KLF8: variants seen among roughly 807,000 people sequenced by gnomAD.
KLF8 encodes the protein KLF transcription factor 8.
KLF8 carries 10 observed loss-of-function variants against 18.2 expected under a neutral mutation model. That is an observed-to-expected ratio of 0.55 (90% CI 0.34 to 0.93). The LOEUF (loss-of-function observed/expected upper bound fraction) is 0.93. Among genes scored for constraint, KLF8 ranks in the 40% least tolerant of loss-of-function variants. The pLI, the probability that KLF8 is intolerant of heterozygous loss-of-function variation, is 0.02. For synonymous variants in KLF8, 109 were observed against 97.3 expected, an observed-to-expected ratio of 1.12 and a Z score of -0.71; for missense variants, 264 against 277.9, an observed-to-expected ratio of 0.95 and a Z score of 0.36.
the KLF8 span, among the ~76,000 whole-genome samples, chrX:56,181,762 A>G: frequency 1.9e-5 from 2 of 105,593 alleles, no homozygotes; most frequent in Non-Finnish European, 3.8e-5. Context: ...GTTGAAAATT[A>G]TTTTCTTTAA....
chrX:56,210,441 T>C, the KLF8 span, among the ~76,000 whole-genome samples: 5 of 112,005 alleles, frequency 4.5e-5, no homozygotes, highest in African/African-American at 1.6e-4. Context: ...CGTTTGTTTA[T>C]CTTACCTTGC....
the KLF8 span, among the ~76,000 whole-genome samples, chrX:55,918,227 A>AT: frequency 8.9e-6 from 1 of 111,945 alleles, no homozygotes; most frequent in Non-Finnish European, 1.9e-5. Context: ...TGCCTAGAAC[A>AT]TAGAAGGAAC....
chrX:56,174,997 A>C, the KLF8 span, among the ~76,000 whole-genome samples: 6 of 110,954 alleles, frequency 5.4e-5, no homozygotes, highest in Admixed American at 1.9e-4. Context: ...TTTCTTCTTT[A>C]TTAGTCTTGT....
chrX:56,206,102 A>T, the KLF8 span, among the ~76,000 whole-genome samples: 1 of 111,189 alleles, frequency 9.0e-6, no homozygotes, highest in Non-Finnish European at 1.9e-5. Context: ...TACCATGAGA[A>T]CAGTGTAGGG....
chrX:55,996,607 G>A, the KLF8 span, among the ~76,000 whole-genome samples: 3 of 111,804 alleles, frequency 2.7e-5, no homozygotes, highest in African/African-American at 3.3e-5. Flanking sequence ...GACAGGCTTC[G>A]TTTCTGAATG....
chrX:56,256,448 T>C (rs1602434995), intron 2 of KLF8, among the ~76,000 whole-genome samples: 1 of 111,412 alleles, frequency 9.0e-6, no homozygotes, highest in Non-Finnish European at 1.9e-5. Flanking sequence ...TATTTTTTTT[T>C]CCAAAAGAAT....
chrX:55,986,313 C>T, the KLF8 span, among the ~76,000 whole-genome samples: 4 of 111,962 alleles, frequency 3.6e-5, no homozygotes, highest in South Asian at 1.5e-3. Flanking sequence ...TATGTTCTTT[C>T]AAAACCTACT....
At chrX:56,150,616 T>A in the KLF8 span, among the ~76,000 whole-genome samples, 1 of 110,996 alleles carries the variant, frequency 9.0e-6, no homozygotes, top group African/African-American at 3.3e-5. Context: ...TGTTGGATGC[T>A]CTTGGCCTGT....
At chrX:55,979,668 G>A in the KLF8 span, among the ~76,000 whole-genome samples, 1 of 112,058 alleles carries the variant, frequency 8.9e-6, no homozygotes, top group South Asian at 3.7e-4. Context: ...CTGAAGCTGA[G>A]GTCAGAAAGA....
At position 56,265,476 on chromosome X, in the gene KLF8, A is replaced by T. The variant is rs2066958408; in HGVS notation, c.378A>T (p.Thr126=). The T allele has an allele frequency of 8.3e-7, 1 of 1,210,213 alleles. No individual in the cohort carries two copies. Among genetic ancestry groups the T allele is most frequent in the Non-Finnish European group, 1.1e-6 (1 of 895,249 alleles). ...SPQTLVVSTS[T]SDMSTSANIP... Reference sequence around the variant, plus strand: ...AGACCCTTGTGGTGTCCACGTCAACATCTGACATGAGCACTTCAGCAAACA... The same window carrying T: ...AGACCCTTGTGGTGTCCACGTCAACTTCTGACATGAGCACTTCAGCAAACA... The change falls in exon 3 of 6, where the codon ACA becomes ACT. Residue 126 remains threonine (T), a synonymous_variant. Coordinates refer to ENST00000468660, the MANE Select transcript of KLF8 (RefSeq NM_007250.5).
At chrX:55,913,577 C>G in the KLF8 span, among the ~76,000 whole-genome samples, 2 of 111,345 alleles carry the variant, frequency 1.8e-5, no homozygotes, top group Non-Finnish European at 3.8e-5. Flanking sequence ...AAGGAGAGGC[C>G]TAGAACAGAT....
chrX:56,218,502 C>A, the KLF8 span, among the ~76,000 whole-genome samples: 20 of 112,062 alleles, frequency 1.8e-4, no homozygotes, highest in African/African-American at 6.2e-4. Context: ...TAACTCCTCT[C>A]TTTTATTATA....
upstream of KLF8, among the ~76,000 whole-genome samples, chrX:56,229,570 C>T (rs1049882181): frequency 8.9e-6 from 1 of 112,046 alleles, no homozygotes; most frequent in African/African-American, 3.2e-5. Context: ...ACACCAACCA[C>T]ATGCTGATTA....
the KLF8 span, among the ~76,000 whole-genome samples, chrX:56,177,064 G>A: frequency 5.1e-3 from 560 of 110,753 alleles, 1 homozygote; most frequent in African/African-American, 0.017. Flanking sequence ...TCTTTAGCTC[G>A]GAGTAGTTTG....
the KLF8 span, among the ~76,000 whole-genome samples, chrX:56,054,131 G>GTATT: frequency 1.8e-5 from 2 of 108,487 alleles, no homozygotes; most frequent in African/African-American, 3.4e-5. Flanking sequence ...ATTTATTTAT[G>GTATT]TATTTATTTA....
At chrX:56,134,930 G>T in the KLF8 span, among the ~76,000 whole-genome samples, 5 of 111,482 alleles carry the variant, frequency 4.5e-5, no homozygotes, top group Admixed American at 4.8e-4. Context: ...CATCACTAAT[G>T]ATCAGGGAAG....
chrX:56,046,773 A>G, the KLF8 span, among the ~76,000 whole-genome samples: 1 of 111,358 alleles, frequency 9.0e-6, no homozygotes, highest in Non-Finnish European at 1.9e-5. Flanking sequence ...CATTTTTTAT[A>G]GGTTACCTGA....
chrX:55,980,117 C>T, the KLF8 span, among the ~76,000 whole-genome samples: 3 of 111,239 alleles, frequency 2.7e-5, no homozygotes, highest in South Asian at 3.8e-4. Context: ...GCTGATGGAT[C>T]GAGAGAACAC....
At chrX:56,194,470 C>T in the KLF8 span, among the ~76,000 whole-genome samples, 1 of 112,095 alleles carries the variant, frequency 8.9e-6, no homozygotes. Flanking sequence ...GTGCAGTAGT[C>T]TGAGATCAAA....
Sources: gnomAD v4.1 joint callset for allele counts (sites outside exome capture counted in the v4.1 genomes callset) on GRCh38, gnomAD v4.1.1 for gene constraint, MANE v1.5 for transcripts, NCBI Gene and HGNC (gene_info 2026-07-23, HGNC 2026-07-21) for gene names.